CDH23: variants seen among roughly 807,000 people sequenced by gnomAD.
CDH23 encodes the protein cadherin-23.
A neutral mutation model predicts 317.1 loss-of-function variants in CDH23; 189 were observed. The ratio of observed to expected loss-of-function variants is 0.60; its 90% CI spans 0.53 to 0.67. The LOEUF (loss-of-function observed/expected upper bound fraction) is 0.67. Ranked by LOEUF, CDH23 falls within the 30% of genes least tolerant of loss-of-function variation. CDH23 has a pLI of 0.00. For synonymous variants in CDH23, 1,839 were observed against 1,876.8 expected (o/e 0.98, Z 0.52); for missense variants, 4,401 against 4,592.4 (o/e 0.96, Z 1.20).
chr10:71,726,703 C>T (rs569022738), intron 30 of CDH23, among the ~76,000 whole-genome samples: 1 of 152,336 alleles, frequency 6.6e-6, no homozygotes, highest in African/African-American at 2.4e-5. Flanking sequence ...TCAGTACGCC[C>T]TCATCAGAGC....
chr10:71,755,361 C>A, intron 38 of CDH23: 2 of 1,605,306 alleles, frequency 1.2e-6, no homozygotes, highest in South Asian at 2.2e-5. Flanking sequence ...ATACTCACGG[C>A]GGTTGGAGGC....
intron 9 of CDH23, among the ~76,000 whole-genome samples, chr10:71,595,625 C>T (rs57383938): frequency 0.015 from 2,285 of 152,260 alleles, 57 homozygotes; most frequent in African/African-American, 0.052. Context: ...CCCAAACACA[C>T]GGCCCTCACA....
chr10:71,730,127 G>T (rs547814738), intron 30 of CDH23, among the ~76,000 whole-genome samples: 1 of 152,074 alleles, frequency 6.6e-6, no homozygotes, highest in Non-Finnish European at 1.5e-5. Flanking sequence ...GTGAGCCACC[G>T]CGCCCGGCCG....
At chr10:71,614,467 G>T (rs1861074616) in intron 9 of CDH23, among the ~76,000 whole-genome samples, 2 of 152,228 alleles carry the variant, frequency 1.3e-5, no homozygotes, top group South Asian at 4.1e-4. Context: ...GCCCATGCAG[G>T]ACTGGCCCAG....
intron 32 of CDH23, chr10:71,732,860 A>C: frequency 3.6e-6 from 1 of 280,528 alleles, no homozygotes; most frequent in Non-Finnish European, 5.7e-6. Flanking sequence ...CCAGCTGGGA[A>C]TCCTATAGTT....
intron 38 of CDH23, chr10:71,755,472 A>T: frequency 6.2e-7 from 1 of 1,606,968 alleles, no homozygotes; most frequent in Non-Finnish European, 8.5e-7. Flanking sequence ...GATGTCTGAA[A>T]GGGCAGAGAG....
intron 6 of CDH23, among the ~76,000 whole-genome samples, chr10:71,556,012 G>A (rs577818311): frequency 6.6e-6 from 1 of 152,282 alleles, no homozygotes; most frequent in South Asian, 2.1e-4. Context: ...TGCTCTCTAG[G>A]GGAAATATCC....
At chr10:71,685,220 T>C (rs1216018124) in intron 18 of CDH23, among the ~76,000 whole-genome samples, 1 of 152,192 alleles carries the variant, frequency 6.6e-6, no homozygotes, top group Non-Finnish European at 1.5e-5. Flanking sequence ...AGGGCTGGGA[T>C]TCTGTGTGTC....
At chr10:71,721,458 C>T (rs552771059) in intron 28 of CDH23, among the ~76,000 whole-genome samples, 14 of 152,344 alleles carry the variant, frequency 9.2e-5, no homozygotes, top group African/African-American at 3.1e-4. Context: ...CCCCTCAACC[C>T]TGCAAGGCTG....
At chr10:71,600,281 C>A (rs1041116529) in intron 9 of CDH23, among the ~76,000 whole-genome samples, 2 of 152,072 alleles carry the variant, frequency 1.3e-5, no homozygotes, top group East Asian at 3.9e-4. Flanking sequence ...GGATTACAGG[C>A]GTGAGCGACC....
At chr10:71,596,202 G>A (rs1441878131) in intron 9 of CDH23, among the ~76,000 whole-genome samples, 1 of 152,066 alleles carries the variant, frequency 6.6e-6, no homozygotes, top group Admixed American at 6.5e-5. Flanking sequence ...TAATTAGGAT[G>A]TCGGTGGGAT....
intron 9 of CDH23, among the ~76,000 whole-genome samples, chr10:71,587,265 G>T (rs1412913270): frequency 6.6e-6 from 1 of 152,202 alleles, no homozygotes; most frequent in Non-Finnish European, 1.5e-5. Context: ...GAAGCCAAGG[G>T]ATTCATGTCA....
chr10:71,743,833 C>A (rs1839793542), intron 38 of CDH23, among the ~76,000 whole-genome samples: 1 of 152,222 alleles, frequency 6.6e-6, no homozygotes, highest in African/African-American at 2.4e-5. Flanking sequence ...AGCAAAAATT[C>A]TACAGAGAAT....
At chr10:71,470,474 C>G (rs1793383547) in intron 3 of CDH23, among the ~76,000 whole-genome samples, 1 of 151,922 alleles carries the variant, frequency 6.6e-6, no homozygotes, top group African/African-American at 2.4e-5. Context: ...GCAATGTCCA[C>G]TATGGGACGT....
At chr10:71,555,490 A>C (rs1475897689) in intron 6 of CDH23, among the ~76,000 whole-genome samples, 1 of 152,198 alleles carries the variant, frequency 6.6e-6, no homozygotes, top group African/African-American at 2.4e-5. Flanking sequence ...TATGTGGGCC[A>C]GCCGTCCGTC....
rs561304340 is a variant in CDH23 at position 71,627,366 on chromosome 10, T to G, written c.1134+9973T>G. 4.7e-4 allele frequency among the ~76,000 whole-genome samples: 33 copies of G among 70,166 alleles called. 1 individual carries two copies. The highest frequency in any genetic ancestry group is 1.1e-3 in the Admixed American group (8 of 7,244). 46.0% of individuals were successfully genotyped at this position (70,166 alleles called of 152,430 possible). Reference sequence around the variant, plus strand: ...TCCCCAGTTGCCTTCAGTGAGGCCCTTATTGTGATGATGATGATGATGATG... The same window carrying G: ...TCCCCAGTTGCCTTCAGTGAGGCCCGTATTGTGATGATGATGATGATGATG... On this transcript the variant is annotated intron_variant, in intron 11 of 69. Coordinates refer to ENST00000224721, the MANE Select transcript of CDH23 (RefSeq NM_022124.6).
intron 33 of CDH23, 84 bp from the exon 34 acceptor site, chr10:71,734,572 G>A (rs1371510013): frequency 1.2e-6 from 2 of 1,604,772 alleles, no homozygotes; most frequent in Non-Finnish European, 1.7e-6. Flanking sequence ...GCCGGGAGTG[G>A]GGTCTGGAAG....
In CDH23 at chr10:71,696,149, G is replaced by T. The variant is rs138153303; in HGVS notation, c.2397+624G>T. ...TCTCCAGCGGAGACCAGAATCCTGG[G>T]GAAACTGAGGAAGCCCAGGTCCCAC... On this transcript the variant is annotated intron_variant, in intron 22 of 69. Coordinates refer to ENST00000224721, the MANE Select transcript of CDH23 (RefSeq NM_022124.6). Among the ~76,000 whole-genome samples, 928 of 152,284 alleles carry T rather than the reference G, an allele frequency of 6.1e-3. 9 individuals carry two copies. The highest frequency in any genetic ancestry group is 0.021 in the African/African-American group (889 of 41,544).
At chr10:71,466,891 T>C (rs1463979457) in intron 3 of CDH23, among the ~76,000 whole-genome samples, 3 of 152,136 alleles carry the variant, frequency 2.0e-5, no homozygotes, top group Non-Finnish European at 2.9e-5. Context: ...TGTGTGTGTG[T>C]GTGCACGTGC....
Sources: gnomAD v4.1 joint callset for allele counts (sites outside exome capture counted in the v4.1 genomes callset) on GRCh38, gnomAD v4.1.1 for gene constraint, MANE v1.5 for transcripts, NCBI Gene and HGNC (gene_info 2026-07-23, HGNC 2026-07-21) for gene names.